OPRM1: variants seen among roughly 807,000 people sequenced by gnomAD.
The protein encoded by OPRM1 is mu-type opioid receptor.
A neutral mutation model predicts 31.8 loss-of-function variants in OPRM1; 27 were observed. That is an observed-to-expected ratio of 0.85 (90% CI 0.63 to 1.17). The LOEUF is 1.17. Among genes scored for constraint, OPRM1 ranks in the 50% most tolerant of loss-of-function variants. The pLI is 0.00. For missense variants in OPRM1, 536 were observed against 511.1 expected, an observed-to-expected ratio of 1.05 and a Z score of -0.47; for synonymous variants, 196 against 189.9, an observed-to-expected ratio of 1.03 and a Z score of -0.26.
chr6:154,135,851 T>G (rs1025584050), downstream of OPRM1, among the ~76,000 whole-genome samples: 1 of 152,222 alleles, frequency 6.6e-6, no homozygotes, highest in African/African-American at 2.4e-5. Flanking sequence ...AAACTAGAAA[T>G]GTGTTTTCTG....
chr6:154,223,274 G>A (rs778113933), intron 3 of OPRM1: 1 of 1,523,000 alleles, frequency 6.6e-7, no homozygotes, highest in Non-Finnish European at 9.1e-7. Context: ...AAATAGGAAT[G>A]AATGCATCAA....
At chr6:154,116,901 G>C (rs1013396165) in intron 3 of OPRM1, among the ~76,000 whole-genome samples, 8 of 152,064 alleles carry the variant, frequency 5.3e-5, no homozygotes, top group African/African-American at 1.9e-4. Context: ...CTGCATCTTG[G>C]TACTCTCTGT....
chr6:154,030,838 C>T lies in OPRM1; in HGVS notation c.1-8323C>T, dbSNP rs1400455228. Reference sequence around the variant, plus strand: ...AACATTCTATGAAGCTGAAAAGGATCGAGAGTGATAAACACCATTAAAATA... The same window carrying T: ...AACATTCTATGAAGCTGAAAAGGATTGAGAGTGATAAACACCATTAAAATA... On this transcript the variant is annotated intron_variant, in intron 1 of 5. Coordinates refer to the OPRM1 transcript ENST00000434900. 5.9e-5 allele frequency among the ~76,000 whole-genome samples: 9 copies of T among 152,104 alleles called. No homozygotes were observed. The East Asian group carries it at 7.7e-4, about 13-fold the overall frequency.
At chr6:154,221,766 C>T (rs790267) in intron 3 of OPRM1, among the ~76,000 whole-genome samples, 70,205 of 151,742 alleles carry the variant, frequency 0.46, 16,504 homozygotes, top group Admixed American at 0.57. Flanking sequence ...CCCAGCTACC[C>T]GGGAGGCTGA....
intron 1 of OPRM1, chr6:154,087,099 A>G (rs1728948958): frequency 1.0e-6 from 1 of 985,320 alleles, no homozygotes; most frequent in Non-Finnish European, 1.2e-6. Flanking sequence ...TTTAAAATCC[A>G]TTAAGAAAGT....
At chr6:154,070,106 A>G (rs1786337984) in intron 1 of OPRM1, among the ~76,000 whole-genome samples, 1 of 152,318 alleles carries the variant, frequency 6.6e-6, no homozygotes, top group South Asian at 2.1e-4. Flanking sequence ...ATCAGAAGCA[A>G]CAGTCAGCAC....
At chr6:154,051,541 A>G (rs1201700134) in intron 1 of OPRM1, among the ~76,000 whole-genome samples, 1 of 152,234 alleles carries the variant, frequency 6.6e-6, no homozygotes, top group African/African-American at 2.4e-5. Flanking sequence ...TATAAGAGTT[A>G]CAAAGTATTT....
chr6:154,201,530 G>A (rs1487039345), intron 3 of OPRM1, among the ~76,000 whole-genome samples: 1 of 152,194 alleles, frequency 6.6e-6, no homozygotes, highest in East Asian at 1.9e-4. Flanking sequence ...AGACAAGGTA[G>A]AGAAGGCATT....
chr6:154,081,559 A>C (rs187023113), intron 1 of OPRM1, among the ~76,000 whole-genome samples: 23 of 152,180 alleles, frequency 1.5e-4, no homozygotes, highest in African/African-American at 5.3e-4. Flanking sequence ...TATGGAAAAA[A>C]CTCAGCTTTC....
intron 3 of OPRM1, among the ~76,000 whole-genome samples, chr6:154,234,668 C>A (rs1779978277): frequency 6.6e-6 from 1 of 152,260 alleles, no homozygotes; most frequent in East Asian, 1.9e-4. Flanking sequence ...TGTAAGTCAC[C>A]TCTTCTAGCT....
At chr6:154,077,744 T>C (rs1038570174) in intron 1 of OPRM1, among the ~76,000 whole-genome samples, 7 of 151,902 alleles carry the variant, frequency 4.6e-5, no homozygotes, top group Admixed American at 2.0e-4. Flanking sequence ...AAATAATTAA[T>C]TAATTAATTA....
intron 3 of OPRM1, among the ~76,000 whole-genome samples, chr6:154,116,920 A>G (rs1026102825): frequency 1.3e-5 from 2 of 152,066 alleles, no homozygotes; most frequent in Non-Finnish European, 2.9e-5. Flanking sequence ...GTGGGAATGC[A>G]TTGCCCTTCA....
At chr6:154,215,464 G>C (rs1302997908) in intron 3 of OPRM1, among the ~76,000 whole-genome samples, 1 of 151,966 alleles carries the variant, frequency 6.6e-6, no homozygotes, top group East Asian at 1.9e-4. Flanking sequence ...AAATTAGCCG[G>C]GTGTGGTGGC....
intron 1 of OPRM1, among the ~76,000 whole-genome samples, chr6:154,069,616 T>C (rs537238715): frequency 1.3e-5 from 2 of 152,360 alleles, no homozygotes; most frequent in African/African-American, 4.8e-5. Flanking sequence ...TGTTTTCTTT[T>C]AGCATTTTCA....
At chr6:154,200,158 T>A in intron 3 of OPRM1, 1 of 892,916 alleles carries the variant, frequency 1.1e-6, no homozygotes, top group Non-Finnish European at 1.7e-6. Context: ...TGACCAATAA[T>A]AAAAGAGTCA....
At chr6:154,215,906 C>T (rs1485768834) in intron 3 of OPRM1, among the ~76,000 whole-genome samples, 1 of 152,098 alleles carries the variant, frequency 6.6e-6, no homozygotes, top group Non-Finnish European at 1.5e-5. Context: ...TTGAGAAATG[C>T]ACACTCAAAC....
intron 1 of OPRM1, chr6:154,086,951 G>GT: frequency 4.1e-6 from 4 of 984,054 alleles, no homozygotes; most frequent in Non-Finnish European, 4.8e-6. Context: ...TAAAACCACA[G>GT]TTTTAATTTT....
At chr6:154,088,533 T>C (rs1791207150) in intron 1 of OPRM1, among the ~76,000 whole-genome samples, 2 of 152,212 alleles carry the variant, frequency 1.3e-5, no homozygotes, top group African/African-American at 4.8e-5. Context: ...TTATGGGTTT[T>C]TAAATAGGTG....
chr6:154,216,611 T>G (rs1468253288), intron 3 of OPRM1, among the ~76,000 whole-genome samples: 1 of 152,240 alleles, frequency 6.6e-6, no homozygotes, highest in African/African-American at 2.4e-5. Context: ...GGCTCACACC[T>G]GTAATCCCAG....
Sources: gnomAD v4.1 joint callset for allele counts (sites outside exome capture counted in the v4.1 genomes callset) on GRCh38, gnomAD v4.1.1 for gene constraint, MANE v1.5 for transcripts, NCBI Gene and HGNC (gene_info 2026-07-23, HGNC 2026-07-21) for gene names.